The following ZFP1 variants were observed in gnomAD, a reference collection of about 807,000 sequenced individuals.
ZFP1 encodes ZFP1 zinc finger protein, also known as zinc finger protein 1 homolog.
Under a neutral mutation model 38.5 loss-of-function variants are expected in ZFP1, and 32 were observed. The observed-to-expected ratio is 0.83, with a 90% confidence interval of 0.63 to 1.12. ZFP1 has a LOEUF of 1.12. Among genes scored for constraint, ZFP1 ranks in the 50% most tolerant of loss-of-function variants. The pLI is 0.00. For synonymous variants in ZFP1, 245 were observed against 168.8 expected, an observed-to-expected ratio of 1.45 and a Z score of -3.50; for missense variants, 616 against 480.8, an observed-to-expected ratio of 1.28 and a Z score of -2.63.
chr16:75,152,555 C>T (rs566889041), intron 1 of ZFP1, among the ~76,000 whole-genome samples: 19 of 152,236 alleles, frequency 1.2e-4, no homozygotes, highest in African/African-American at 4.3e-4. Flanking sequence ...GCTGAAATTC[C>T]CTATTTGTTT....
chr16:75,169,179 T>C, intron 3 of ZFP1, 74 bp from the exon 4 acceptor site: 7 of 1,508,480 alleles, frequency 4.6e-6, no homozygotes, highest in Non-Finnish European at 6.2e-6. Context: ...AGAACACGTG[T>C]GAAGACTTCC....
At position 75,167,010 on chromosome 16, in the gene ZFP1, G is replaced by T; in HGVS notation, c.142+114G>T. 2.7e-6 allele frequency: 4 copies of T among 1,503,228 alleles called. No homozygotes were observed. The East Asian group carries it at 9.2e-5, about 35-fold the overall frequency. The allele number at this position is 1,503,228 out of a possible 1,614,324, so 93.1% of individuals were successfully genotyped here. ...AAATGTTTTTGGCCTAAGTCCTCAGGTATTAAACCTGAGAGATCTTGCAGC... is the reference window on the plus strand; with the variant it reads ...AAATGTTTTTGGCCTAAGTCCTCAGTTATTAAACCTGAGAGATCTTGCAGC... On this transcript the variant is annotated intron_variant, in intron 3 of 3. Transcript: ENST00000570010.
chr16:75,152,425 C>A (rs1266408114), intron 1 of ZFP1, among the ~76,000 whole-genome samples: 2 of 152,216 alleles, frequency 1.3e-5, no homozygotes, highest in Non-Finnish European at 2.9e-5. Context: ...GACCTATCTT[C>A]AAGTTTACTG....
chr16:75,149,662 T>C (rs954722614), intron 1 of ZFP1, among the ~76,000 whole-genome samples: 1 of 144,092 alleles, frequency 6.9e-6, no homozygotes, highest in Non-Finnish European at 1.5e-5. Flanking sequence ...TGGGTTAAAG[T>C]AGTGCTCTGC....
chr16:75,158,726 CT>C (rs1185304683), intron 2 of ZFP1, among the ~76,000 whole-genome samples: 8 of 147,006 alleles, frequency 5.4e-5, no homozygotes, highest in Admixed American at 1.4e-4. Flanking sequence ...TCCCTTTTAT[CT>C]TTTTTTTAAG....
At chr16:75,166,989 G>A in intron 3 of ZFP1, 93 bp downstream of exon 3, 2 of 1,526,518 alleles carry the variant, frequency 1.3e-6, no homozygotes, top group Admixed American at 2.2e-5. Context: ...ATTACTAAAT[G>A]TTTTTGGCCT....
At chr16:75,125,958 G>A in the ZFP1 span, among the ~76,000 whole-genome samples, 6 of 149,018 alleles carry the variant, frequency 4.0e-5, no homozygotes, top group Admixed American at 4.1e-4. Context: ...AAGGAGAATC[G>A]CTTGAATCTG....
At chr16:75,155,648 T>G (rs2037434209) in intron 2 of ZFP1, among the ~76,000 whole-genome samples, 2 of 152,232 alleles carry the variant, frequency 1.3e-5, no homozygotes. Context: ...TGGGTGCCCA[T>G]GTAGGCACCC....
Position 75,170,137 on chromosome 16 carries a change from A to C in ZFP1, c.1027A>C (p.Met343Leu). 1 of 1,614,124 alleles carries C rather than the reference A, an allele frequency of 6.2e-7. No homozygotes were observed. The highest frequency in any genetic ancestry group is 2.2e-5 in the East Asian group (1 of 44,884). The change falls in exon 4 of 4, where the codon ATG becomes CTG. Residue 343 changes from methionine (M) to leucine (L), a missense_variant. By Grantham distance (15) the Met-to-Leu change is conservative. Coordinates refer to ENST00000570010, the MANE Select transcript of ZFP1 (RefSeq NM_153688.4). ...FIQNSQLIIHMRTHTGEKPYE... is the reference protein window; with the variant it reads ...FIQNSQLIIHLRTHTGEKPYE... ...CCAGAACTCACAGCTCATCATACAC[A>C]TGAGAACTCATACAGGAGAGAAACC...
At chr16:75,166,593 GAAT>G in intron 2 of ZFP1, 174 bp from the exon 3 acceptor site, 1 of 985,142 alleles carries the variant, frequency 1.0e-6, no homozygotes. Flanking sequence ...AGGGGAATCT[GAAT>G]AAATCTCAAC....
chr16:75,134,288 C>G, the ZFP1 span, among the ~76,000 whole-genome samples: 1 of 151,982 alleles, frequency 6.6e-6, no homozygotes, highest in Non-Finnish European at 1.5e-5. Flanking sequence ...TTTTTTAATT[C>G]TAATTGGAAT....
the ZFP1 span, among the ~76,000 whole-genome samples, chr16:75,140,622 C>T: frequency 1.3e-5 from 2 of 152,126 alleles, no homozygotes; most frequent in African/African-American, 4.8e-5. Flanking sequence ...GACAAACTTA[C>T]GCAAGCATTG....
At chr16:75,167,423 A>C (rs1009035576) in intron 3 of ZFP1, among the ~76,000 whole-genome samples, 2 of 149,958 alleles carry the variant, frequency 1.3e-5, no homozygotes, top group African/African-American at 4.9e-5. Flanking sequence ...TTAATCTTAT[A>C]GATATTTGCC....
chr16:75,163,548 G>C (rs1363622473), intron 2 of ZFP1, among the ~76,000 whole-genome samples: 6 of 151,740 alleles, frequency 4.0e-5, no homozygotes, highest in African/African-American at 1.2e-4. Context: ...CTGACCTCAG[G>C]TGATCCACCT....
the ZFP1 span, among the ~76,000 whole-genome samples, chr16:75,143,117 G>A: frequency 6.6e-6 from 1 of 151,986 alleles, no homozygotes; most frequent in African/African-American, 2.4e-5. Flanking sequence ...AATTTCCTTA[G>A]AATAAATAAC....
At chr16:75,146,939 CAAAAAAA>C (rs34337593), upstream of ZFP1, among the ~76,000 whole-genome samples, 6 of 67,672 alleles carry the variant, frequency 8.9e-5, no homozygotes, top group Non-Finnish European at 1.7e-4. Flanking sequence ...GACCCTGTGT[CAAAAAAA>C]AAAAAAAAAA....
At chr16:75,120,367 C>T in the ZFP1 span, among the ~76,000 whole-genome samples, 1 of 152,112 alleles carries the variant, frequency 6.6e-6, no homozygotes, top group Non-Finnish European at 1.5e-5. Flanking sequence ...GCTGGGGTTC[C>T]TTAAAGAGAA....
chr16:75,123,892 C>T, the ZFP1 span, among the ~76,000 whole-genome samples: 2 of 151,328 alleles, frequency 1.3e-5, no homozygotes, highest in Non-Finnish European at 2.9e-5. Context: ...GAAATCAAGA[C>T]CATTCTGGCC....
chr16:75,139,928 G>A, the ZFP1 span, among the ~76,000 whole-genome samples: 1 of 152,108 alleles, frequency 6.6e-6, no homozygotes, highest in Non-Finnish European at 1.5e-5. Context: ...ACTTGAAAAT[G>A]GTTAAGATAG....
Sources: allele counts gnomAD v4.1 joint callset (sites outside exome capture counted in the v4.1 genomes callset), GRCh38; gene constraint gnomAD v4.1.1; transcripts MANE v1.5; gene names NCBI Gene and HGNC (gene_info 2026-07-23, HGNC 2026-07-21).